The following SMURF1 variants were observed in gnomAD, a reference collection of about 807,000 sequenced individuals.
The protein encoded by SMURF1 is E3 ubiquitin-protein ligase SMURF1.
Under a neutral mutation model 98.0 loss-of-function variants are expected in SMURF1, and 44 were observed. The ratio of observed to expected loss-of-function variants is 0.45; its 90% CI spans 0.35 to 0.58. SMURF1 has a LOEUF of 0.58. Among genes scored for constraint, SMURF1 ranks in the 20% least tolerant of loss-of-function variants. The pLI is 0.00. For synonymous variants in SMURF1, 396 were observed against 374.9 expected (o/e 1.06, Z -0.65); for missense variants, 687 against 938.4 (o/e 0.73, Z 3.50).
intron 1 of SMURF1, among the ~76,000 whole-genome samples, chr7:99,139,965 C>T (rs1288548839): frequency 1.3e-5 from 2 of 152,190 alleles, no homozygotes; most frequent in African/African-American, 2.4e-5. Flanking sequence ...ATGTGCTACA[C>T]TCCAACACAA....
rs187967283 is a variant in SMURF1 at position 99,048,319 on chromosome 7, G to A, written c.954-437C>T. On this transcript the variant is annotated intron_variant, in intron 9 of 17. Transcript: ENST00000361368. Reference sequence around the variant, plus strand: ...CAGGGAAATCGCTTGAACCCGGGAGGCAGAGGTTGCAGTGAGCTGAGATTG... The same window carrying A: ...CAGGGAAATCGCTTGAACCCGGGAGACAGAGGTTGCAGTGAGCTGAGATTG... 785 of 170,928 alleles carry A rather than the reference G, an allele frequency of 4.6e-3. 4 individuals carry two copies. Among genetic ancestry groups the A allele is most frequent in the Non-Finnish European group, 7.8e-3 (613 of 78,590 alleles). 10.6% of individuals were successfully genotyped at this position (170,928 alleles called of 1,614,324 possible).
chr7:99,045,223 T>C (rs540714347), intron 11 of SMURF1, among the ~76,000 whole-genome samples: 12 of 152,232 alleles, frequency 7.9e-5, no homozygotes, highest in Non-Finnish European at 1.3e-4. Context: ...CTATTCTGTT[T>C]TTTAATATCA....
intron 1 of SMURF1, among the ~76,000 whole-genome samples, chr7:99,109,497 G>A (rs114046304): frequency 1.8e-4 from 27 of 152,246 alleles, no homozygotes; most frequent in African/African-American, 5.1e-4. Flanking sequence ...TGCCTCTCTC[G>A]GAGGCCTGGA....
rs188622212 is a variant in SMURF1 at position 99,053,984 on chromosome 7, G to A, written c.479+806C>T. The stretch of plus-strand genomic sequence containing the variant: ...CTTGCTGTGTCGCCCAAGGTGGAGC[G>A]CAGTGGTGTGATCAGGGTTCACTGC... On this transcript the variant is annotated intron_variant, in intron 6 of 17. Coordinates refer to ENST00000361368, the MANE Select transcript of SMURF1 (RefSeq NM_181349.3). Among the ~76,000 whole-genome samples the A allele has an allele frequency of 1.6e-4, 25 of 152,106 alleles. No homozygotes were observed. In the East Asian group the frequency reaches 3.1e-3, roughly 19 times the overall value.
At chr7:99,119,212 T>C (rs1563037224) in intron 1 of SMURF1, among the ~76,000 whole-genome samples, 1 of 152,022 alleles carries the variant, frequency 6.6e-6, no homozygotes, top group Non-Finnish European at 1.5e-5. Context: ...CTAGCGTATC[T>C]TTGCTAAAAT....
chr7:99,061,971 A>C, intron 1 of SMURF1, 134 bp from the exon 2 acceptor site: 1 of 573,734 alleles, frequency 1.7e-6, no homozygotes, highest in Non-Finnish European at 3.0e-6. Flanking sequence ...ATCTAGTATC[A>C]TATGAAACAA....
In SMURF1 at chr7:99,117,794, TA is replaced by T. The variant is rs1421487727; in HGVS notation, c.55+25931del. ...TCTGATGAGTCTAATATCAAGAATA[TA>T]TATGCTGAGCGTGGTGGCTCACGCC... On this transcript the variant is annotated intron_variant, in intron 1 of 17. Transcript: ENST00000361368. Among the ~76,000 whole-genome samples the T allele has an allele frequency of 5.9e-5, 9 of 151,770 alleles. No individual in the cohort carries two copies. The East Asian group carries it at 1.8e-3, about 30-fold the overall frequency.
At chr7:99,137,956 G>A (rs1798031862) in intron 1 of SMURF1, among the ~76,000 whole-genome samples, 1 of 152,116 alleles carries the variant, frequency 6.6e-6, no homozygotes, top group African/African-American at 2.4e-5. Context: ...TTTAAACATA[G>A]CTCCATGGCT....
intron 1 of SMURF1, among the ~76,000 whole-genome samples, chr7:99,067,825 G>A (rs573596878): frequency 6.6e-6 from 1 of 152,174 alleles, no homozygotes; most frequent in Non-Finnish European, 1.5e-5. Flanking sequence ...GTGGTGGCGG[G>A]TACCTGTAAT....
At chr7:99,094,126 G>A (rs116957270) in intron 1 of SMURF1, among the ~76,000 whole-genome samples, 2,080 of 152,060 alleles carry the variant, frequency 0.014, 18 homozygotes, top group Middle Eastern at 0.034. Context: ...CTATTTTAGG[G>A]AACCAAACCA....
chr7:99,033,171 G>A lies in SMURF1; in HGVS notation c.2012-50C>T, dbSNP rs199767377. 4.7e-4 allele frequency: 728 copies of A among 1,533,036 alleles called. 2 individuals are homozygous for A. Among genetic ancestry groups the A allele is most frequent in the African/African-American group, 2.9e-3 (212 of 72,794 alleles). The allele number at this position is 1,533,036 out of a possible 1,614,324, so 95.0% of individuals were successfully genotyped here. ...TGTACTTCAGAGTTACAGCCGTGGC[G>A]CTTCCCGGCCACACAGCCCCCAGGA... is the stretch of plus-strand genomic sequence containing the variant. On this transcript the variant is annotated intron_variant, in intron 16 of 17. Coordinates refer to ENST00000361368, the MANE Select transcript of SMURF1 (RefSeq NM_181349.3).
rs1051829006 is a variant in SMURF1 at position 99,035,484 on chromosome 7, C to T, written c.2011+31G>A. On this transcript the variant is annotated intron_variant, in intron 16 of 17. Coordinates refer to ENST00000361368, the MANE Select transcript of SMURF1 (RefSeq NM_181349.3). ...CTGCCCACAGCGCACATAGACGCGT[C>T]ATCGAATAGCCCTGCCTCCACGTCA... 6 of 1,612,294 alleles carry T rather than the reference C, an allele frequency of 3.7e-6. No individual in the cohort carries two copies. In the African/African-American group the frequency reaches 5.3e-5, roughly 14 times the overall value.
intron 16 of SMURF1, 155 bp downstream of exon 16, chr7:99,035,356 TAACC>T: frequency 1.1e-6 from 1 of 928,454 alleles, no homozygotes; most frequent in Non-Finnish European, 1.6e-6. Context: ...CCCTGCCAGG[TAACC>T]ACCTCTGTAG....
At chr7:99,042,027 A>T in intron 12 of SMURF1, 91 bp downstream of exon 12, 1 of 1,059,522 alleles carries the variant, frequency 9.4e-7, no homozygotes. Context: ...TAAGTCTACA[A>T]CAAATAGACC....
intron 1 of SMURF1, among the ~76,000 whole-genome samples, chr7:99,075,144 G>T (rs1265543268): frequency 6.6e-6 from 1 of 152,068 alleles, no homozygotes; most frequent in Non-Finnish European, 1.5e-5. Context: ...TTGAGACAGG[G>T]TCTACACTCT....
chr7:99,055,965 CA>C (rs951056582), intron 5 of SMURF1, among the ~76,000 whole-genome samples: 32 of 147,758 alleles, frequency 2.2e-4, no homozygotes, highest in Non-Finnish European at 3.6e-4. Flanking sequence ...GACTCCGTGT[CA>C]AAAAAAAAAT....
In SMURF1 at chr7:99,093,074, C is replaced by G. The variant is rs1022958771; in HGVS notation, c.56-31237G>C. On this transcript the variant is annotated intron_variant, in intron 1 of 17. Coordinates refer to ENST00000361368, the MANE Select transcript of SMURF1 (RefSeq NM_181349.3). ...ACTCCCATAGCCTATATCACACCAC[C>G]CATGAGACATTGATGGGGTAGGAGG... Among the ~76,000 whole-genome samples, 4 of 152,116 alleles carry G rather than the reference C, an allele frequency of 2.6e-5. No individual in the cohort carries two copies. The East Asian group carries it at 7.7e-4, about 29-fold the overall frequency.
chr7:99,083,988 G>A (rs1469621262), intron 1 of SMURF1, among the ~76,000 whole-genome samples: 1 of 152,236 alleles, frequency 6.6e-6, no homozygotes, highest in Admixed American at 6.5e-5. Context: ...GCCTGACTCT[G>A]TGTTAAGCAC....
chr7:99,038,339 G>A, intron 14 of SMURF1, 49 bp downstream of exon 14: 1 of 1,601,026 alleles, frequency 6.2e-7, no homozygotes, highest in Non-Finnish European at 8.5e-7. Flanking sequence ...ACTAAATGCA[G>A]GCTCAGCCGC....
Sources: allele counts gnomAD v4.1 joint callset (sites outside exome capture counted in the v4.1 genomes callset), GRCh38; gene constraint gnomAD v4.1.1; transcripts MANE v1.5; gene names NCBI Gene and HGNC (gene_info 2026-07-23, HGNC 2026-07-21).